The following RIMOC1 variants were observed in gnomAD, a reference collection of about 807,000 sequenced individuals.
RIMOC1 encodes RAB7A-interacting MON1-CCZ1 complex subunit 1.
the RIMOC1 span, among the ~76,000 whole-genome samples, chr5:41,907,482 T>C: frequency 6.6e-6 from 1 of 152,144 alleles, no homozygotes; most frequent in East Asian, 1.9e-4. Flanking sequence ...ATTTAAGAAA[T>C]GGCAAGAGTG....
At chr5:41,907,943 T>G in the RIMOC1 span, 2 of 710,842 alleles carry the variant, frequency 2.8e-6, no homozygotes, top group African/African-American at 3.7e-5. Flanking sequence ...TTATTCTATA[T>G]TTCAAGTGTT....
At chr5:41,909,934 G>T in the RIMOC1 span, 1 of 1,450,242 alleles carries the variant, frequency 6.9e-7, no homozygotes. Flanking sequence ...AATATTGCTG[G>T]TACTTGCTGT....
chr5:41,917,916 T>G, the RIMOC1 span: 1,918 of 883,450 alleles, frequency 2.2e-3, 78 homozygotes, highest in Admixed American at 0.073. Context: ...ATTTAAAAAT[T>G]ATTTTTCTAT....
chr5:41,904,596 G>A, the RIMOC1 span: 17 of 808,900 alleles, frequency 2.1e-5, no homozygotes, highest in East Asian at 4.6e-4. Context: ...GTTACCCGAG[G>A]TCTGTCGCTT....
At chr5:41,919,850 C>T in the RIMOC1 span, 2 of 152,172 alleles carry the variant, frequency 1.3e-5, no homozygotes, top group African/African-American at 2.4e-5. Flanking sequence ...TCGCACTGAT[C>T]ACACTGCTTT....
chr5:41,915,034 G>A, the RIMOC1 span, among the ~76,000 whole-genome samples: 1 of 152,064 alleles, frequency 6.6e-6, no homozygotes, highest in Admixed American at 6.5e-5. Context: ...TCAAAACTGT[G>A]TATGGTTTTT....
the RIMOC1 span, chr5:41,904,372 CGGCCGCAGTCTCTAGTGT>C: frequency 1.9e-6 from 3 of 1,612,972 alleles, no homozygotes; most frequent in East Asian, 6.7e-5. Flanking sequence ...GTGGCCATGG[CGGCCGCAGTCTCTAGTGT>C]GGTGAGACGA....
At chr5:41,909,669 G>A in the RIMOC1 span, 1 of 1,061,904 alleles carries the variant, frequency 9.4e-7, no homozygotes, top group Non-Finnish European at 1.3e-6. Context: ...ACCTATGTGT[G>A]CAAGGTTAGA....
chr5:41,916,791 C>T, the RIMOC1 span, among the ~76,000 whole-genome samples: 1 of 152,088 alleles, frequency 6.6e-6, no homozygotes, highest in Admixed American at 6.5e-5. Flanking sequence ...TTCTCTGGTA[C>T]TCTGTTTTTC....
chr5:41,907,990 A>G, the RIMOC1 span: 1 of 611,444 alleles, frequency 1.6e-6, no homozygotes, highest in South Asian at 1.9e-5. Context: ...AAACACAAAA[A>G]CTTAAAACTT....
the RIMOC1 span, chr5:41,909,956 G>T: frequency 7.6e-7 from 1 of 1,309,796 alleles, no homozygotes; most frequent in Non-Finnish European, 1.0e-6. Context: ...CTGCTTTTTG[G>T]AGTCTATATT....
the RIMOC1 span, chr5:41,904,611 G>A: frequency 4.4e-6 from 3 of 689,228 alleles, no homozygotes; most frequent in Non-Finnish European, 4.9e-6. Flanking sequence ...TCGCTTCTGA[G>A]CCCCTCTGCG....
the RIMOC1 span, chr5:41,919,394 A>G: frequency 6.6e-6 from 1 of 152,184 alleles, no homozygotes; most frequent in Non-Finnish European, 1.5e-5. Flanking sequence ...TGGTAAACAT[A>G]CAAATTCTGA....
At chr5:41,921,593 A>C in the RIMOC1 span, 1 of 152,076 alleles carries the variant, frequency 6.6e-6, no homozygotes, top group Non-Finnish European at 1.5e-5. Context: ...GTAAACTGTT[A>C]TTGAGCATAT....
the RIMOC1 span, chr5:41,917,234 G>A: frequency 6.2e-7 from 1 of 1,613,394 alleles, no homozygotes; most frequent in Non-Finnish European, 8.5e-7. Flanking sequence ...ACCCCTGAAA[G>A]AACAAGAATG....
At chr5:41,918,174 C>T in the RIMOC1 span, 1 of 985,718 alleles carries the variant, frequency 1.0e-6, no homozygotes. Flanking sequence ...TTTCTGATAC[C>T]TTGCTGATAC....
the RIMOC1 span, among the ~76,000 whole-genome samples, chr5:41,914,283 A>T: frequency 2.0e-5 from 3 of 152,108 alleles, no homozygotes; most frequent in African/African-American, 7.2e-5. Context: ...AGGCAAAAAG[A>T]CACAGTATAG....
the RIMOC1 span, chr5:41,919,396 A>G: frequency 6.6e-6 from 1 of 152,196 alleles, no homozygotes; most frequent in African/African-American, 2.4e-5. Flanking sequence ...GTAAACATAC[A>G]AATTCTGATA....
the RIMOC1 span, chr5:41,918,820 A>G: frequency 2.1e-6 from 2 of 930,880 alleles, no homozygotes; most frequent in East Asian, 1.2e-4. Flanking sequence ...GTCAACTTGT[A>G]TTTACCAACT....
Sources: gnomAD v4.1 joint callset for allele counts (sites outside exome capture counted in the v4.1 genomes callset) on GRCh38, gnomAD v4.1.1 for gene constraint, MANE v1.5 for transcripts, NCBI Gene and HGNC (gene_info 2026-07-23, HGNC 2026-07-21) for gene names.